PPEF1: variants seen among roughly 807,000 people sequenced by gnomAD.
PPEF1 encodes serine/threonine-protein phosphatase with EF-hands 1.
Under a neutral mutation model 53.3 loss-of-function variants are expected in PPEF1, and 12 were observed. That is an observed-to-expected ratio of 0.23 (90% confidence interval 0.14 to 0.36). PPEF1 has a LOEUF of 0.36. Among genes scored for constraint, PPEF1 ranks in the 10% least tolerant of loss-of-function variants. The pLI is 1.00. For missense variants in PPEF1, 334 were observed against 490.4 expected, an observed-to-expected ratio of 0.68 and a Z score of 3.01; for synonymous variants, 165 against 176.7, an observed-to-expected ratio of 0.93 and a Z score of 0.52.
chrX:18,757,010 G>A (rs1487515449), intron 4 of PPEF1, among the ~76,000 whole-genome samples: 1 of 110,886 alleles, frequency 9.0e-6, no homozygotes. Flanking sequence ...AGGAGTTCGA[G>A]ACCAGCCTGG....
chrX:18,797,795 G>A (rs1015928631), intron 10 of PPEF1, among the ~76,000 whole-genome samples: 2 of 111,167 alleles, frequency 1.8e-5, no homozygotes, highest in Non-Finnish European at 3.8e-5. Context: ...TCCGCCTCCC[G>A]GGCTCACACC....
intron 4 of PPEF1, among the ~76,000 whole-genome samples, chrX:18,694,193 G>A (rs761433192): frequency 1.6e-4 from 18 of 111,839 alleles, no homozygotes; most frequent in Non-Finnish European, 2.6e-4. Flanking sequence ...CAGTTTGTGG[G>A]ACACTCACGG....
At chrX:18,681,256 C>T (rs764415868), upstream of PPEF1, among the ~76,000 whole-genome samples, 213 of 111,699 alleles carry the variant, frequency 1.9e-3, no homozygotes, top group African/African-American at 6.2e-3. Flanking sequence ...GGATTACAGG[C>T]GTGAGTCACT....
intron 7 of PPEF1, 120 bp downstream of exon 7, chrX:18,779,296 A>C: frequency 1.5e-6 from 1 of 683,866 alleles, no homozygotes; most frequent in South Asian, 3.8e-5. Flanking sequence ...GGGGATCTCA[A>C]GGAGGACTTC....
At chrX:18,775,212 T>TG (rs2045943032) in intron 6 of PPEF1, among the ~76,000 whole-genome samples, 1 of 21,805 alleles carries the variant, frequency 4.6e-5, no homozygotes, top group Non-Finnish European at 1.0e-4. Context: ...AACCCATTGC[T>TG]TTTTTTTTTT....
At chrX:18,772,377 A>G (rs1219334521) in intron 6 of PPEF1, among the ~76,000 whole-genome samples, 1 of 111,539 alleles carries the variant, frequency 9.0e-6, no homozygotes, top group Non-Finnish European at 1.9e-5. Flanking sequence ...CTTATTTGTA[A>G]TACACAAAGT....
chrX:18,819,235 T>C (rs1045503558), intron 13 of PPEF1, among the ~76,000 whole-genome samples: 3 of 112,002 alleles, frequency 2.7e-5, no homozygotes, highest in Non-Finnish European at 3.8e-5. Context: ...AGCAAATAAA[T>C]ATGTTCAAAG....
intron 2 of PPEF1, among the ~76,000 whole-genome samples, chrX:18,731,763 C>T (rs992638465): frequency 1.5e-4 from 17 of 112,166 alleles, no homozygotes; most frequent in South Asian, 3.7e-4. Flanking sequence ...AGTCATTTCC[C>T]CATTTCCTTC....
intron 10 of PPEF1, among the ~76,000 whole-genome samples, chrX:18,799,977 C>G (rs868067737): frequency 5.4e-5 from 6 of 111,559 alleles, no homozygotes; most frequent in Admixed American, 9.6e-5. Context: ...GATTTCTAGA[C>G]AGAAAAAAGA....
intron 10 of PPEF1, among the ~76,000 whole-genome samples, chrX:18,798,150 C>T (rs192997123): frequency 1.8e-5 from 2 of 110,498 alleles, no homozygotes; most frequent in African/African-American, 3.3e-5. Flanking sequence ...AGTGCAACTA[C>T]GGCTCATTGC....
At chrX:18,758,199 A>G (rs1464704661) in intron 5 of PPEF1, among the ~76,000 whole-genome samples, 1 of 111,841 alleles carries the variant, frequency 8.9e-6, no homozygotes, top group Non-Finnish European at 1.9e-5. Context: ...AAGAGTGGGA[A>G]TGTCCCAGAA....
chrX:18,738,969 A>G (rs1245467874), intron 3 of PPEF1, among the ~76,000 whole-genome samples: 5 of 112,217 alleles, frequency 4.5e-5, no homozygotes, highest in Non-Finnish European at 9.4e-5. Context: ...CGTGGTTTTC[A>G]GCTCCATCAG....
chrX:18,757,656 G>A lies in PPEF1; in HGVS notation c.426G>A (p.Val142=). 1 of 1,209,544 alleles carries A rather than the reference G, an allele frequency of 8.3e-7. No homozygotes were observed. The part of the protein sequence containing the change: ...QILHAHYVLE[V]LFETKKVLKQ... ...TTCATGCCCATTATGTCTTAGAGGT[G>A]CTATTTGAAACCAAGAAAGTCCTGA... Residue 142 remains valine, a synonymous_variant, in exon 5 of 16, where the codon GTG becomes GTA. Coordinates refer to ENST00000470157, the MANE Select transcript of PPEF1 (RefSeq NM_001377996.1).
intron 4 of PPEF1, among the ~76,000 whole-genome samples, chrX:18,696,806 T>G (rs1412222127): frequency 9.0e-6 from 1 of 111,098 alleles, no homozygotes; most frequent in Non-Finnish European, 1.9e-5. Flanking sequence ...CTGTCTGAGC[T>G]TCCCCCCTTT....
At chrX:18,801,995 AAAG>A (rs1272124660) in intron 10 of PPEF1, among the ~76,000 whole-genome samples, 3 of 109,577 alleles carry the variant, frequency 2.7e-5, no homozygotes, top group African/African-American at 1.0e-4. Flanking sequence ...AAAAAAAAAA[AAAG>A]AAAAGAAAAG....
intron 6 of PPEF1, among the ~76,000 whole-genome samples, chrX:18,776,394 C>A (rs1293289860): frequency 1.8e-5 from 2 of 111,006 alleles, no homozygotes; most frequent in Non-Finnish European, 3.8e-5. Context: ...ACCATCACAC[C>A]TGGCTGATTT....
At chrX:18,708,852 T>C (rs2044259810) in intron 1 of PPEF1, among the ~76,000 whole-genome samples, 2 of 111,351 alleles carry the variant, frequency 1.8e-5, no homozygotes, top group African/African-American at 6.5e-5. Context: ...CCATCTGAAC[T>C]CTACTGCTGT....
intron 3 of PPEF1, among the ~76,000 whole-genome samples, chrX:18,748,317 C>T (rs1165143989): frequency 8.9e-6 from 1 of 112,119 alleles, no homozygotes; most frequent in Non-Finnish European, 1.9e-5. Flanking sequence ...ACATTTTTCA[C>T]GTTTAGTTCT....
chrX:18,822,432 T>C (rs903470503), intron 13 of PPEF1, among the ~76,000 whole-genome samples: 8 of 110,111 alleles, frequency 7.3e-5, no homozygotes, highest in Non-Finnish European at 1.3e-4. Context: ...AGCTTTTAGA[T>C]AACAAAAATC....
Sources: gnomAD v4.1 joint callset for allele counts (sites outside exome capture counted in the v4.1 genomes callset) on GRCh38, gnomAD v4.1.1 for gene constraint, MANE v1.5 for transcripts, NCBI Gene and HGNC (gene_info 2026-07-23, HGNC 2026-07-21) for gene names.